FGD6: variants seen among roughly 807,000 people sequenced by gnomAD.
FGD6 encodes FYVE, RhoGEF and PH domain-containing protein 6.
A neutral mutation model predicts 149.4 loss-of-function variants in FGD6; 90 were observed. That is an observed-to-expected ratio of 0.60 (90% CI 0.51 to 0.72). The LOEUF is 0.72. Among genes scored for constraint, FGD6 ranks in the 30% least tolerant of loss-of-function variants. FGD6 has a pLI of 0.00. For missense variants in FGD6, 1,437 were observed against 1,684.8 expected, an observed-to-expected ratio of 0.85 and a Z score of 2.57; for synonymous variants, 527 against 584.0, an observed-to-expected ratio of 0.90 and a Z score of 1.41.
At position 95,209,746 on chromosome 12, in the gene FGD6, G is replaced by T; in HGVS notation, c.1538C>A (p.Ala513Asp). ...TTTTTCCAAAAGCTCCTCGGAGGCA[G>T]CCTTTTTAAGCACTCCTGTAGCAGG... ...SLPATGVLKKAASEELLEKSS... is the reference protein window; with the variant it reads ...SLPATGVLKKDASEELLEKSS... Residue 513 changes from alanine (A) to aspartate (D), a missense_variant, in exon 2 of 21, where the codon GCT (alanine) becomes GAT (aspartate). Physicochemically the swap from Ala to Asp is moderately radical, Grantham distance 126. Transcript: ENST00000343958. 6.2e-7 allele frequency: 1 copy of T among 1,613,928 alleles called. No homozygotes were observed. Among genetic ancestry groups the T allele is most frequent in the South Asian group, 1.1e-5 (1 of 91,060 alleles).
At chr12:95,101,334 C>T (rs2136238193) in intron 14 of FGD6, among the ~76,000 whole-genome samples, 1 of 152,210 alleles carries the variant, frequency 6.6e-6, no homozygotes, top group East Asian at 1.9e-4. Flanking sequence ...CAGAGCGAGA[C>T]TCTGTCACAA....
intron 3 of FGD6, 122 bp downstream of exon 3, chr12:95,172,478 A>C (rs1443665253): frequency 1.1e-6 from 1 of 883,238 alleles, no homozygotes; most frequent in Non-Finnish European, 1.6e-6. Context: ...ATTAAATTTA[A>C]ATTTTGAAAG....
intron 8 of FGD6, 42 bp from the exon 9 acceptor site, chr12:95,113,743 G>A (rs755024820): frequency 1.5e-6 from 2 of 1,316,168 alleles, no homozygotes; most frequent in Admixed American, 4.1e-5. Flanking sequence ...CAATAAACCA[G>A]TGAGCCCCAA....
intron 2 of FGD6, among the ~76,000 whole-genome samples, chr12:95,177,156 C>T (rs192438420): frequency 1.8e-4 from 28 of 152,254 alleles, no homozygotes; most frequent in Non-Finnish European, 3.1e-4. Flanking sequence ...ATACTAAATC[C>T]ATTTCCTCTA....
chr12:95,154,952 T>G (rs1346681441), intron 3 of FGD6, among the ~76,000 whole-genome samples: 4 of 152,196 alleles, frequency 2.6e-5, no homozygotes, highest in Non-Finnish European at 5.9e-5. Flanking sequence ...TTTTTCTTTT[T>G]TCTAAGTTTC....
chr12:95,171,577 G>A (rs532740571), intron 3 of FGD6, among the ~76,000 whole-genome samples: 7 of 152,246 alleles, frequency 4.6e-5, no homozygotes, highest in African/African-American at 7.2e-5. Flanking sequence ...GTGCAGTGGC[G>A]TGATCTCGGC....
At chr12:95,142,330 A>G (rs1171441473) in intron 5 of FGD6, among the ~76,000 whole-genome samples, 1 of 151,756 alleles carries the variant, frequency 6.6e-6, no homozygotes, top group Non-Finnish European at 1.5e-5. Context: ...TTTTTAGTAG[A>G]GACGGCGTTT....
chr12:95,090,818 C>A (rs1434814438), intron 17 of FGD6, among the ~76,000 whole-genome samples: 1 of 152,268 alleles, frequency 6.6e-6, no homozygotes, highest in African/African-American at 2.4e-5. Context: ...TAGATCCTGG[C>A]CAGGCGTGGT....
chr12:95,105,063 G>T lies in FGD6; in HGVS notation c.3441C>A (p.Ala1147=). ...TTTCAATCTTTAATTCATTCTGATA[G>T]GCTTCTTGGGTAGGTTTTCTGACCT... is the stretch of plus-strand genomic sequence containing the variant. The part of the protein sequence containing the change: ...GMKVRKPTQE[A]YQNELKIESV... Residue 1147 remains alanine, a synonymous_variant, in exon 14 of 21, where the codon GCC becomes GCA. Coordinates refer to ENST00000343958, the MANE Select transcript of FGD6 (RefSeq NM_018351.4). 1 of 1,610,804 alleles carries T rather than the reference G, an allele frequency of 6.2e-7. No homozygotes were observed. Among genetic ancestry groups the T allele is most frequent in the East Asian group, 2.2e-5 (1 of 44,836 alleles).
At chr12:95,148,581 CATATATTATATAATACATAGCATGTTAT>C (rs1880095478) in intron 5 of FGD6, among the ~76,000 whole-genome samples, 1 of 106,518 alleles carries the variant, frequency 9.4e-6, no homozygotes, top group South Asian at 2.9e-4. Context: ...TAATACATAG[CATATATTATATAATACATAGCATGTTAT>C]ATATATTATA....
intron 7 of FGD6, among the ~76,000 whole-genome samples, chr12:95,135,978 AAAG>A (rs1251762517): frequency 3.9e-5 from 6 of 152,246 alleles, no homozygotes; most frequent in Admixed American, 3.9e-4. Flanking sequence ...GAGGAGAGGA[AAAG>A]AAGAAAAAAT....
At chr12:95,119,309 T>C (rs796398700) in intron 8 of FGD6, among the ~76,000 whole-genome samples, 4 of 152,080 alleles carry the variant, frequency 2.6e-5, no homozygotes, top group African/African-American at 9.6e-5. Flanking sequence ...TTGAATAAAA[T>C]AAAAAATGAA....
intron 14 of FGD6, among the ~76,000 whole-genome samples, chr12:95,095,758 A>G (rs1039595378): frequency 6.6e-6 from 1 of 152,152 alleles, no homozygotes; most frequent in Non-Finnish European, 1.5e-5. Context: ...TCACGCCTGT[A>G]ATCCCAACAC....
chr12:95,081,621 G>A (rs1292753234), intron 20 of FGD6, 65 bp from the exon 21 acceptor site: 4 of 1,105,138 alleles, frequency 3.6e-6, no homozygotes, highest in Non-Finnish European at 5.3e-6. Context: ...ACACCATATA[G>A]ATGACAGCTG....
chr12:95,159,095 A>G (rs1880564059), intron 3 of FGD6, among the ~76,000 whole-genome samples: 1 of 152,142 alleles, frequency 6.6e-6, no homozygotes, highest in African/African-American at 2.4e-5. Flanking sequence ...AATGTGCACG[A>G]GCTCGACACA....
intron 14 of FGD6, among the ~76,000 whole-genome samples, chr12:95,102,989 C>G (rs1302781605): frequency 6.6e-6 from 1 of 152,036 alleles, no homozygotes; most frequent in Non-Finnish European, 1.5e-5. Context: ...GTGACTGATG[C>G]AGAGTAATAA....
At chr12:95,211,395 A>T (rs1275822990) in intron 1 of FGD6, 128 bp from the exon 2 acceptor site, 1 of 1,071,646 alleles carries the variant, frequency 9.3e-7, no homozygotes, top group African/African-American at 1.6e-5. Context: ...GTTACATTAT[A>T]TAGTATCAAT....
At chr12:95,120,085 C>T (rs1443534660) in intron 8 of FGD6, among the ~76,000 whole-genome samples, 3 of 151,462 alleles carry the variant, frequency 2.0e-5, no homozygotes, top group African/African-American at 4.9e-5. Context: ...AAAAGTTAGC[C>T]GGGTGTGGTG....
chr12:95,162,242 G>A, intron 3 of FGD6, among the ~76,000 whole-genome samples: 1 of 151,986 alleles, frequency 6.6e-6, no homozygotes, highest in East Asian at 1.9e-4. Flanking sequence ...GCCCCAGTTG[G>A]CCAGGTGCGG....
Sources: allele counts gnomAD v4.1 joint callset (sites outside exome capture counted in the v4.1 genomes callset), GRCh38; gene constraint gnomAD v4.1.1; transcripts MANE v1.5; gene names NCBI Gene and HGNC (gene_info 2026-07-23, HGNC 2026-07-21).